PCCA: variants seen among roughly 807,000 people sequenced by gnomAD.
The protein encoded by PCCA is propionyl-CoA carboxylase subunit alpha, also known as propionyl-CoA carboxylase alpha chain, mitochondrial.
Under a neutral mutation model 101.3 loss-of-function variants are expected in PCCA, and 74 were observed. That is an observed-to-expected ratio of 0.73 (90% CI 0.61 to 0.89). The LOEUF (loss-of-function observed/expected upper bound fraction) is 0.89. PCCA is among the 40% of genes least tolerant of loss of function. PCCA has a pLI of 0.00. For synonymous variants in PCCA, 294 were observed against 313.6 expected (o/e 0.94, Z 0.66); for missense variants, 891 against 907.0 (o/e 0.98, Z 0.23).
intron 6 of PCCA, among the ~76,000 whole-genome samples, chr13:100,168,651 T>C (rs2055307175): frequency 6.6e-6 from 1 of 152,208 alleles, no homozygotes; most frequent in African/African-American, 2.4e-5. Context: ...TGTGACAACG[T>C]AGCAGATGCT....
At chr13:100,222,555 A>G (rs1180617982) in intron 7 of PCCA, among the ~76,000 whole-genome samples, 2 of 152,182 alleles carry the variant, frequency 1.3e-5, no homozygotes, top group African/African-American at 4.8e-5. Flanking sequence ...GTATAAGATT[A>G]CTTTTGAGAG....
chr13:100,498,477 A>T (rs1285756458), intron 21 of PCCA, among the ~76,000 whole-genome samples: 1 of 152,150 alleles, frequency 6.6e-6, no homozygotes, highest in East Asian at 1.9e-4. Flanking sequence ...GGCCAAATAG[A>T]TTTCCTTGCT....
intron 5 of PCCA, 41 bp downstream of exon 5, chr13:100,155,133 G>A: frequency 1.6e-6 from 2 of 1,230,564 alleles, no homozygotes; most frequent in Non-Finnish European, 2.4e-6. Context: ...TGTTTCATAT[G>A]TAGTGAGCAG....
intron 20 of PCCA, among the ~76,000 whole-genome samples, chr13:100,448,176 G>A (rs890881426): frequency 6.6e-6 from 1 of 152,120 alleles, no homozygotes; most frequent in African/African-American, 2.4e-5. Flanking sequence ...ATTAAGTAGA[G>A]CAAGTTTTTT....
rs373472475 is a variant in PCCA, at chr13:100,224,348, G to A, written c.601-11494G>A. 8.8e-4 allele frequency among the ~76,000 whole-genome samples: 134 copies of A among 152,340 alleles called. 1 individual carries two copies. The highest frequency in any genetic ancestry group is 3.2e-3 in the African/African-American group (132 of 41,582). ...AGGGCCAGCCGGCTGCTCCGAGTGC[G>A]GGGCCTGCCAAGCCCACGCCCACCC... is the stretch of plus-strand genomic sequence containing the variant. On this transcript the variant is annotated intron_variant, in intron 7 of 23. Coordinates refer to ENST00000376285, the MANE Select transcript of PCCA (RefSeq NM_000282.4).
intron 18 of PCCA, among the ~76,000 whole-genome samples, chr13:100,355,683 G>A (rs1010926706): frequency 6.6e-6 from 1 of 152,126 alleles, no homozygotes; most frequent in Non-Finnish European, 1.5e-5. Context: ...AACACCCTAT[G>A]TTTTGAATCA....
At chr13:100,090,540 A>G (rs1160541622) in intron 1 of PCCA, among the ~76,000 whole-genome samples, 1 of 152,092 alleles carries the variant, frequency 6.6e-6, no homozygotes, top group African/African-American at 2.4e-5. Context: ...TTTTTTCAAC[A>G]AATATTTACT....
chr13:100,368,973 C>T (rs771224721), intron 19 of PCCA, among the ~76,000 whole-genome samples: 8 of 152,136 alleles, frequency 5.3e-5, no homozygotes, highest in Non-Finnish European at 8.8e-5. Context: ...CTGCAAGACA[C>T]TCTTGAGGCT....
At chr13:100,355,045 A>G (rs1390305680) in intron 18 of PCCA, among the ~76,000 whole-genome samples, 5 of 152,228 alleles carry the variant, frequency 3.3e-5, no homozygotes, top group Non-Finnish European at 7.3e-5. Flanking sequence ...TTAAGTATTA[A>G]TGCAAAAATT....
At chr13:100,501,619 A>T (rs897725087) in intron 21 of PCCA, among the ~76,000 whole-genome samples, 3 of 152,136 alleles carry the variant, frequency 2.0e-5, no homozygotes, top group Non-Finnish European at 4.4e-5. Context: ...CACGCCTGTA[A>T]TCCCAGCACT....
At chr13:100,159,084 C>CTTT (rs11350199) in intron 6 of PCCA, among the ~76,000 whole-genome samples, 1 of 58,170 alleles carries the variant, frequency 1.7e-5, no homozygotes, top group Non-Finnish European at 2.8e-5. Context: ...AAAATGCTGC[C>CTTT]TTTTTTTTTT....
intron 15 of PCCA, among the ~76,000 whole-genome samples, chr13:100,308,785 T>C (rs2066671629): frequency 6.6e-6 from 1 of 152,216 alleles, no homozygotes; most frequent in South Asian, 2.1e-4. Context: ...GCCTACAAAT[T>C]AATTTTCAAA....
intron 4 of PCCA, among the ~76,000 whole-genome samples, chr13:100,116,702 G>C (rs1021211585): frequency 6.6e-6 from 1 of 151,960 alleles, no homozygotes; most frequent in Admixed American, 6.6e-5. Context: ...ATTTTTTTTG[G>C]GTAAATATCT....
intron 9 of PCCA, among the ~76,000 whole-genome samples, chr13:100,260,399 T>TGTGTGTG (rs66947557): frequency 3.3e-4 from 43 of 131,124 alleles, no homozygotes; most frequent in Non-Finnish European, 5.2e-4. Flanking sequence ...GTGTGTGTGT[T>TGTGTGTG]TTTTTTTTTT....
chr13:100,157,242 T>C, intron 5 of PCCA, 45 bp from the exon 6 acceptor site: 3 of 1,362,984 alleles, frequency 2.2e-6, no homozygotes, highest in Non-Finnish European at 3.2e-6. Context: ...ATAAAGCTTT[T>C]GCAATATGAT....
intron 14 of PCCA, chr13:100,305,907 T>A (rs906339238): frequency 8.2e-6 from 3 of 367,620 alleles, no homozygotes; most frequent in Non-Finnish European, 1.6e-5. Context: ...TACAGATATC[T>A]ATATTTTTGT....
chr13:100,526,735 C>G (rs763399156), intron 22 of PCCA, among the ~76,000 whole-genome samples: 2 of 152,276 alleles, frequency 1.3e-5, no homozygotes, highest in Non-Finnish European at 2.9e-5. Context: ...GGACGCTGAC[C>G]CATCGGGGCA....
chr13:100,167,930 C>T (rs1309046812), intron 6 of PCCA, among the ~76,000 whole-genome samples: 1 of 152,144 alleles, frequency 6.6e-6, no homozygotes, highest in East Asian at 1.9e-4. Context: ...CCACAACTGG[C>T]TAGATAATGA....
intron 7 of PCCA, among the ~76,000 whole-genome samples, chr13:100,232,376 GTGT>G: frequency 1.3e-5 from 2 of 150,916 alleles, no homozygotes; most frequent in African/African-American, 4.9e-5. Context: ...GTGTGTGTGT[GTGT>G]GTGTGTGTGT....
Sources: gnomAD v4.1 joint callset for allele counts (sites outside exome capture counted in the v4.1 genomes callset) on GRCh38, gnomAD v4.1.1 for gene constraint, MANE v1.5 for transcripts, NCBI Gene and HGNC (gene_info 2026-07-23, HGNC 2026-07-21) for gene names.